Variants in GPC3 observed in about 807,000 individuals in gnomAD.
The protein encoded by GPC3 is glypican 3.
A neutral mutation model predicts 34.4 loss-of-function variants in GPC3; 3 were observed. The observed-to-expected ratio is 0.09, with a 90% CI of 0.04 to 0.23. The LOEUF (loss-of-function observed/expected upper bound fraction) is 0.23, where lower values mean the gene tolerates loss of function less well. Among genes scored for constraint, GPC3 ranks in the 10% least tolerant of loss-of-function variants. GPC3 has a pLI of 1.00. For synonymous variants in GPC3, 177 were observed against 174.0 expected (o/e 1.02, Z -0.13); for missense variants, 351 against 445.6 (o/e 0.79, Z 1.91).
intron 2 of GPC3, among the ~76,000 whole-genome samples, chrX:133,867,198 A>G (rs1252702446): frequency 3.9e-5 from 4 of 102,190 alleles, no homozygotes; most frequent in Non-Finnish European, 7.9e-5. Flanking sequence ...ACTCTGTCTC[A>G]AAAAAAAAAA....
At chrX:133,849,158 T>G (rs1399348967) in intron 2 of GPC3, among the ~76,000 whole-genome samples, 19 of 91,544 alleles carry the variant, frequency 2.1e-4, no homozygotes, top group Non-Finnish European at 4.2e-5. Flanking sequence ...GCAGTGGCGC[T>G]ACCTCGGCTT....
chrX:133,712,777 T>C (rs1408520317), intron 3 of GPC3, among the ~76,000 whole-genome samples: 5 of 110,002 alleles, frequency 4.5e-5, no homozygotes, highest in Non-Finnish European at 9.5e-5. Flanking sequence ...CCCAGCTACT[T>C]GGGAGGCTGA....
At chrX:133,918,547 C>T (rs147092646) in intron 2 of GPC3, among the ~76,000 whole-genome samples, 15 of 112,261 alleles carry the variant, frequency 1.3e-4, no homozygotes, top group African/African-American at 4.2e-4. Context: ...TTTATTGCTA[C>T]GCCTAGCTTT....
At chrX:133,821,552 C>T (rs911827900) in intron 2 of GPC3, among the ~76,000 whole-genome samples, 14 of 111,690 alleles carry the variant, frequency 1.3e-4, no homozygotes, top group African/African-American at 2.9e-4. Flanking sequence ...CATATATATT[C>T]GGAACACTTG....
At chrX:133,700,818 G>T (rs1056233448) in intron 3 of GPC3, among the ~76,000 whole-genome samples, 1 of 111,363 alleles carries the variant, frequency 9.0e-6, no homozygotes, top group Admixed American at 9.6e-5. Flanking sequence ...CACGGCTGCA[G>T]TGAGCCATGA....
chrX:133,852,816 A>G (rs897355408), intron 2 of GPC3, among the ~76,000 whole-genome samples: 1 of 110,313 alleles, frequency 9.1e-6, no homozygotes, highest in Non-Finnish European at 1.9e-5. Context: ...CATTAGTACC[A>G]TTACCACCTA....
At chrX:133,943,505 G>A (rs2076353300) in intron 2 of GPC3, among the ~76,000 whole-genome samples, 1 of 112,178 alleles carries the variant, frequency 8.9e-6, no homozygotes. Flanking sequence ...ATTTAGCATT[G>A]GGTTAACTTG....
At chrX:133,643,893 T>A (rs1201645478) in intron 6 of GPC3, among the ~76,000 whole-genome samples, 2 of 106,764 alleles carry the variant, frequency 1.9e-5, no homozygotes, top group African/African-American at 3.5e-5. Context: ...AGTGGCGCGA[T>A]CTTGGCTCAG....
chrX:133,913,278 A>C (rs952526889), intron 2 of GPC3, among the ~76,000 whole-genome samples: 3 of 111,917 alleles, frequency 2.7e-5, no homozygotes, highest in Non-Finnish European at 5.6e-5. Flanking sequence ...GTAGGAGGAG[A>C]GTTAAATTCA....
At chrX:133,787,465 G>C (rs1160695917) in intron 2 of GPC3, among the ~76,000 whole-genome samples, 1 of 112,030 alleles carries the variant, frequency 8.9e-6, no homozygotes, top group Non-Finnish European at 1.9e-5. Flanking sequence ...ATCAGGTGTT[G>C]GTTCTAGAAA....
At chrX:133,728,372 AAAG>A (rs1472136385) in intron 3 of GPC3, among the ~76,000 whole-genome samples, 1 of 111,862 alleles carries the variant, frequency 8.9e-6, no homozygotes, top group Non-Finnish European at 1.9e-5. Flanking sequence ...GGAGGGAAGG[AAAG>A]AAGGAGTGAA....
intron 3 of GPC3, among the ~76,000 whole-genome samples, chrX:133,723,287 G>A (rs1303675851): frequency 1.8e-5 from 2 of 111,802 alleles, no homozygotes; most frequent in Admixed American, 1.9e-4. Context: ...CCTTCTACAG[G>A]TAGGGAACTG....
In GPC3 at chrX:133,677,739, A is replaced by T. The variant is rs745340178; in HGVS notation, c.1292+14630T>A. On this transcript the variant is annotated intron_variant, in intron 5 of 7. Coordinates refer to ENST00000370818, the MANE Select transcript of GPC3 (RefSeq NM_004484.4). ...GCAAGGGGCTGAAATATCTCTAAGA[A>T]CTCCTTCTTCCAGGGGATGGCGCCT... 3.6e-5 allele frequency among the ~76,000 whole-genome samples: 4 copies of T among 111,094 alleles called. No homozygotes were observed. The South Asian group carries it at 1.6e-3, about 43-fold the overall frequency.
At chrX:133,893,390 T>C (rs2076096836) in intron 2 of GPC3, among the ~76,000 whole-genome samples, 1 of 112,237 alleles carries the variant, frequency 8.9e-6, no homozygotes, top group Non-Finnish European at 1.9e-5. Flanking sequence ...GCCTATTTCA[T>C]CCTTTGACAG....
chrX:133,747,353 T>C (rs932121027), intron 3 of GPC3, among the ~76,000 whole-genome samples: 4 of 111,772 alleles, frequency 3.6e-5, no homozygotes, highest in Non-Finnish European at 7.5e-5. Flanking sequence ...ATTCCTTCTT[T>C]TCCATGAAAC....
chrX:133,983,440 T>C (rs951718156), intron 1 of GPC3, among the ~76,000 whole-genome samples: 7 of 112,252 alleles, frequency 6.2e-5, no homozygotes, highest in Admixed American at 1.9e-4. Context: ...AATACTTTTA[T>C]ACAGATGCTG....
intron 2 of GPC3, among the ~76,000 whole-genome samples, chrX:133,791,886 CT>C (rs747084452): frequency 0.056 from 4,357 of 78,226 alleles, 357 homozygotes; most frequent in African/African-American, 0.2. Context: ...TTCTTTCTTT[CT>C]TTTTTTTTTT....
chrX:133,579,323 C>T (rs1569387471), intron 7 of GPC3, among the ~76,000 whole-genome samples: 1 of 112,088 alleles, frequency 8.9e-6, no homozygotes, highest in Non-Finnish European at 1.9e-5. Context: ...CCCCAAGACC[C>T]CCAACTACAC....
intron 3 of GPC3, among the ~76,000 whole-genome samples, chrX:133,711,576 T>G (rs1342660022): frequency 1.8e-5 from 2 of 111,401 alleles, no homozygotes; most frequent in African/African-American, 6.5e-5. Flanking sequence ...GCTCCAGTTT[T>G]GACCTCCTCC....
Sources: allele counts gnomAD v4.1 joint callset (sites outside exome capture counted in the v4.1 genomes callset), GRCh38; gene constraint gnomAD v4.1.1; transcripts MANE v1.5; gene names NCBI Gene and HGNC (gene_info 2026-07-23, HGNC 2026-07-21).